CCDC85C: variants seen among roughly 807,000 people sequenced by gnomAD.
The protein encoded by CCDC85C is coiled-coil domain containing 85C, also known as coiled-coil domain-containing protein 85C.
A neutral mutation model predicts 38.3 loss-of-function variants in CCDC85C; 18 were observed. That is an observed-to-expected ratio of 0.47 (90% CI 0.33 to 0.70). The LOEUF (loss-of-function observed/expected upper bound fraction) is 0.70, where lower values mean the gene tolerates loss of function less well. CCDC85C is among the 30% of genes least tolerant of loss of function. CCDC85C has a pLI of 0.03. For missense variants in CCDC85C, 566 were observed against 621.2 expected (o/e 0.91, Z 0.94); for synonymous variants, 264 against 293.8 (o/e 0.90, Z 1.04).
At position 99,505,431 on chromosome 14, in the gene CCDC85C, G is replaced by A. The variant is rs1338999553; in HGVS notation, c.*9815C>T. On this transcript the variant is annotated 3_prime_UTR_variant, in exon 6 of 6. Transcript: ENST00000380243. ...ATACACAGAGATTTCCAAGAAAGGAGAACGTAAGACATCTCATTAGTAAAG... is the reference window on the plus strand; with the variant it reads ...ATACACAGAGATTTCCAAGAAAGGAAAACGTAAGACATCTCATTAGTAAAG... 1.3e-5 allele frequency: 2 copies of A among 152,244 alleles called. No homozygotes were observed. Among genetic ancestry groups the A allele is most frequent in the Non-Finnish European group, 2.9e-5 (2 of 68,036 alleles). The allele number at this position is 152,244 out of a possible 1,614,324, so 9.4% of individuals were successfully genotyped here.
At chr14:99,561,425 C>CACCT (rs996002818) in intron 1 of CCDC85C, among the ~76,000 whole-genome samples, 3 of 152,198 alleles carry the variant, frequency 2.0e-5, no homozygotes, top group African/African-American at 7.2e-5. Flanking sequence ...GGGGCCTGGG[C>CACCT]ACCTGCCCAG....
At chr14:99,555,175 G>A (rs922353573) in intron 1 of CCDC85C, among the ~76,000 whole-genome samples, 2 of 152,178 alleles carry the variant, frequency 1.3e-5, no homozygotes, top group East Asian at 1.9e-4. Flanking sequence ...GTGTAATCAC[G>A]CCCACAGGTG....
Position 99,516,549 on chromosome 14 carries a change from A to G in CCDC85C, c.1072-263T>C. 6.6e-6 allele frequency among the ~76,000 whole-genome samples: 1 copy of G among 152,168 alleles called. No homozygotes were observed. The highest frequency in any genetic ancestry group is 6.5e-5 in the Admixed American group (1 of 15,302). On this transcript the variant is annotated intron_variant, in intron 4 of 5. Coordinates refer to ENST00000380243, the MANE Select transcript of CCDC85C (RefSeq NM_001144995.2). The surrounding 1 kb of genome is among the most constrained non-coding windows in gnomAD (Gnocchi z 5.5). ...CAGGCTGGGCAAGGAAGACCCTCAG[A>G]CAGGTGGACTCACTGCAACCCAGGG...
At chr14:99,557,131 A>G (rs4243723) in intron 1 of CCDC85C, among the ~76,000 whole-genome samples, 86,272 of 152,124 alleles carry the variant, frequency 0.57, 25,166 homozygotes, top group African/African-American at 0.71. Flanking sequence ...AGATCCTCAC[A>G]GTAACCTTCG....
chr14:99,570,067 T>A (rs1898304325), intron 1 of CCDC85C, among the ~76,000 whole-genome samples: 1 of 151,632 alleles, frequency 6.6e-6, no homozygotes, highest in Non-Finnish European at 1.5e-5. Context: ...AGGAAGGAAG[T>A]GGGGCTTGAA....
At position 99,512,420 on chromosome 14, in the gene CCDC85C, AGTTTT is replaced by A. The variant is rs1321616811; in HGVS notation, c.*2821_*2825del. On this transcript the variant is annotated 3_prime_UTR_variant, in exon 6 of 6. Transcript: ENST00000380243. ...TCTACCGCTCTGCAGTCATGCATTT[AGTTTT>A]AAGAAAAAAAAAAAATCAGTAGTAT... The A allele has an allele frequency of 6.7e-6, 1 of 150,322 alleles. No individual in the cohort carries two copies. The highest frequency in any genetic ancestry group is 2.5e-5 in the African/African-American group (1 of 39,862). The allele number at this position is 150,322 out of a possible 1,614,324, so 9.3% of individuals were successfully genotyped here.
At chr14:99,589,555 T>C (rs1238528137) in intron 1 of CCDC85C, among the ~76,000 whole-genome samples, 1 of 152,230 alleles carries the variant, frequency 6.6e-6, no homozygotes, top group Non-Finnish European at 1.5e-5. Context: ...TCCTGAGTCA[T>C]GGACCACTTT....
chr14:99,595,715 C>A (rs2055135697), intron 1 of CCDC85C, among the ~76,000 whole-genome samples: 1 of 152,214 alleles, frequency 6.6e-6, no homozygotes, highest in East Asian at 1.9e-4. Flanking sequence ...CCGGGACATA[C>A]CGGCTGGCAC....
chr14:99,593,501 T>C (rs970409650), intron 1 of CCDC85C, among the ~76,000 whole-genome samples: 9 of 152,176 alleles, frequency 5.9e-5, no homozygotes, highest in African/African-American at 2.2e-4. Context: ...TTCGAGCTCC[T>C]GGGGCAGGGA....
intron 1 of CCDC85C, among the ~76,000 whole-genome samples, chr14:99,591,826 C>T (rs1325604121): frequency 2.0e-5 from 3 of 151,906 alleles, no homozygotes; most frequent in Admixed American, 1.3e-4. Flanking sequence ...CCTCCACCTC[C>T]CAAGTTCAAG....
chr14:99,541,759 G>C (rs1445399836), intron 1 of CCDC85C, among the ~76,000 whole-genome samples: 2 of 152,212 alleles, frequency 1.3e-5, no homozygotes, highest in Non-Finnish European at 2.9e-5. Context: ...TCAGGGATCA[G>C]GGCTGGGCAT....
At position 99,535,962 on chromosome 14, in the gene CCDC85C, G is replaced by T. The variant is rs1049952208; in HGVS notation, c.867+53C>A. On this transcript the variant is annotated intron_variant, in intron 2 of 5. Coordinates refer to ENST00000380243, the MANE Select transcript of CCDC85C (RefSeq NM_001144995.2). This position sits in a 1 kb window ranked among gnomAD's most constrained non-coding sequence, Gnocchi z 5.5. ...GAAGGGTGCCCTGGGTGAGCTGGAG[G>T]GGTGGGTGCTGGGTCGCGGTCCTCA... 6.7e-6 allele frequency: 9 copies of T among 1,346,192 alleles called. No individual in the cohort carries two copies. The highest frequency in any genetic ancestry group is 9.4e-6 in the Non-Finnish European group (9 of 962,338). 83.4% of individuals were successfully genotyped at this position (1,346,192 alleles called of 1,614,324 possible). A position where few individuals can be genotyped will look rare whatever the true frequency, so the allele number is the denominator to read the frequency against.
intron 1 of CCDC85C, among the ~76,000 whole-genome samples, chr14:99,567,206 G>A (rs952790684): frequency 1.3e-5 from 2 of 152,166 alleles, no homozygotes; most frequent in African/African-American, 4.8e-5. Context: ...GGAAGAGCAG[G>A]TTCACCCACA....
At chr14:99,547,847 TACACATATATATATAC>T (rs1247454409) in intron 1 of CCDC85C, among the ~76,000 whole-genome samples, 1 of 151,718 alleles carries the variant, frequency 6.6e-6, no homozygotes, top group Non-Finnish European at 1.5e-5. Flanking sequence ...TGTGTGTATA[TACACATATATATATAC>T]ACACACATAT....
At chr14:99,534,729 A>G in intron 2 of CCDC85C, 1 of 702,336 alleles carries the variant, frequency 1.4e-6, no homozygotes, top group Non-Finnish European at 2.6e-6. Context: ...GCTGGCGTCT[A>G]GGGAGCCCCA....
intron 1 of CCDC85C, among the ~76,000 whole-genome samples, chr14:99,550,237 T>G (rs932257820): frequency 1.3e-5 from 2 of 152,174 alleles, no homozygotes. Flanking sequence ...AGGAGGAGAT[T>G]AGTCTGGATT....
At chr14:99,540,073 G>T (rs377510408) in intron 1 of CCDC85C, among the ~76,000 whole-genome samples, 1 of 152,208 alleles carries the variant, frequency 6.6e-6, no homozygotes, top group African/African-American at 2.4e-5. Context: ...GCTTGAACCC[G>T]GGAGGCAGAG....
At chr14:99,559,838 T>C (rs2021927) in intron 1 of CCDC85C, among the ~76,000 whole-genome samples, 62,537 of 151,768 alleles carry the variant, frequency 0.41, 14,319 homozygotes, top group African/African-American at 0.6. Flanking sequence ...CCACAGCAGG[T>C]GGGCCCGCAG....
At chr14:99,600,171 G>A (rs1461566969) in intron 1 of CCDC85C, among the ~76,000 whole-genome samples, 2 of 152,234 alleles carry the variant, frequency 1.3e-5, no homozygotes, top group African/African-American at 4.8e-5. Flanking sequence ...AAGCACTTTT[G>A]AAGAGGAAAC....
Sources: gnomAD v4.1 joint callset for allele counts (sites outside exome capture counted in the v4.1 genomes callset) on GRCh38, gnomAD v4.1.1 for gene constraint, Gnocchi (gnomAD v3.1) non-coding constraint, MANE v1.5 for transcripts, NCBI Gene and HGNC (gene_info 2026-07-23, HGNC 2026-07-21) for gene names.